Variants in KAZN observed in about 807,000 individuals in gnomAD.
KAZN encodes kazrin.
Under a neutral mutation model 87.4 loss-of-function variants are expected in KAZN, and 40 were observed. The observed-to-expected ratio is 0.46, with a 90% CI of 0.36 to 0.60. The LOEUF is 0.60. KAZN is among the 20% of genes least tolerant of loss of function. KAZN has a pLI of 0.00. For missense variants in KAZN, 898 were observed against 1,073.9 expected (o/e 0.84, Z 2.29); for synonymous variants, 466 against 458.3 (o/e 1.02, Z -0.22).
rs146095265 is a variant in KAZN, at chr1:14,138,781, G to A, written c.92-41654G>A. 3.0e-3 allele frequency among the ~76,000 whole-genome samples: 456 copies of A among 152,178 alleles called. 1 individual carries two copies. Among genetic ancestry groups the A allele is most frequent in the African/African-American group, 0.01 (418 of 41,522 alleles). On this transcript the variant is annotated intron_variant, in intron 1 of 16. Coordinates refer to the KAZN transcript ENST00000636203. ...TCATGCTTTCTTTTCCAGGCATCTC[G>A]ACTCCCACTAGTGGAATGAATGGGC...
intron 2 of KAZN, among the ~76,000 whole-genome samples, chr1:14,500,538 A>G (rs1425319273): frequency 6.6e-6 from 1 of 151,962 alleles, no homozygotes; most frequent in East Asian, 1.9e-4. Context: ...ACTTTAAGGA[A>G]TTAGAAAACC....
rs182899909 is a variant in KAZN, at chr1:14,612,054, C to T, written c.226+12831C>T. Among the ~76,000 whole-genome samples, 447 of 152,280 alleles carry T rather than the reference C, an allele frequency of 2.9e-3. 5 individuals carry two copies. Among genetic ancestry groups the T allele is most frequent in the African/African-American group, 0.01 (433 of 41,552 alleles). On this transcript the variant is annotated intron_variant, in intron 1 of 14. Coordinates refer to ENST00000376030, the MANE Select transcript of KAZN (RefSeq NM_201628.3). ...TGCCAACCCTTGGACATGTATTAAT[C>T]GTTCTCGTTTATTTGTATCTGACCC...
At chr1:14,609,300 C>T (rs1677625085) in intron 1 of KAZN, among the ~76,000 whole-genome samples, 1 of 152,116 alleles carries the variant, frequency 6.6e-6, no homozygotes, top group African/African-American at 2.4e-5. Flanking sequence ...GCTCAGAGTG[C>T]CCTGTTTGCA....
chr1:14,622,896 C>T (rs915022209), intron 1 of KAZN, among the ~76,000 whole-genome samples: 3 of 151,386 alleles, frequency 2.0e-5, no homozygotes, highest in East Asian at 1.9e-4. Context: ...AGAAAATTTG[C>T]TCAACTTCTT....
chr1:14,412,926 C>T (rs1664422389), intron 2 of KAZN, among the ~76,000 whole-genome samples: 2 of 149,256 alleles, frequency 1.3e-5, no homozygotes, highest in African/African-American at 4.9e-5. Context: ...AAATAGGATG[C>T]TCAGATTTAA....
chr1:14,814,212 C>G (rs528255510), intron 1 of KAZN, among the ~76,000 whole-genome samples: 30 of 151,552 alleles, frequency 2.0e-4, no homozygotes, highest in African/African-American at 2.7e-4. Flanking sequence ...TGGTCAAAGA[C>G]TGGATCTTTT....
intron 2 of KAZN, among the ~76,000 whole-genome samples, chr1:14,575,914 C>T (rs1368220734): frequency 3.2e-4 from 48 of 152,110 alleles, no homozygotes; most frequent in Admixed American, 3.1e-3. Flanking sequence ...TAGTATAGGG[C>T]CTGGCACGTA....
At chr1:14,317,881 GTTATTGCACT>G (rs1212759318) in intron 2 of KAZN, among the ~76,000 whole-genome samples, 5 of 151,958 alleles carry the variant, frequency 3.3e-5, no homozygotes, top group African/African-American at 1.2e-4. Context: ...AAAGTGAGGA[GTTATTGCACT>G]TTATTTTTTA....
chr1:14,535,457 G>T (rs1295526823), intron 2 of KAZN, among the ~76,000 whole-genome samples: 2 of 152,158 alleles, frequency 1.3e-5, no homozygotes, highest in African/African-American at 2.4e-5. Context: ...CACAAGGTCA[G>T]GAGATTGAGA....
intron 2 of KAZN, among the ~76,000 whole-genome samples, chr1:14,335,203 CTTTTTTTT>C (rs34934115): frequency 1.5e-5 from 2 of 131,342 alleles, no homozygotes; most frequent in Non-Finnish European, 3.3e-5. Context: ...GTCCTCCTTT[CTTTTTTTT>C]TTTTTTTTGG....
chr1:13,974,178 C>T (rs771759290), intron 1 of KAZN, among the ~76,000 whole-genome samples: 44 of 152,224 alleles, frequency 2.9e-4, no homozygotes, highest in Non-Finnish European at 5.0e-4. Context: ...TTAATGGGGG[C>T]TGGTTATGTA....
At chr1:14,245,029 C>T (rs540503510) in intron 2 of KAZN, among the ~76,000 whole-genome samples, 14 of 151,934 alleles carry the variant, frequency 9.2e-5, no homozygotes, top group African/African-American at 2.4e-4. Flanking sequence ...GGCGAGATCT[C>T]GGCTCACTAC....
intron 1 of KAZN, among the ~76,000 whole-genome samples, chr1:14,717,085 C>T (rs1642833723): frequency 1.3e-5 from 2 of 149,720 alleles, no homozygotes; most frequent in Middle Eastern, 3.4e-3. Flanking sequence ...CAGATGTGAG[C>T]GCTCTCTCCC....
At chr1:14,162,102 G>T (rs1432829544) in intron 1 of KAZN, among the ~76,000 whole-genome samples, 2 of 152,174 alleles carry the variant, frequency 1.3e-5, no homozygotes, top group African/African-American at 2.4e-5. Flanking sequence ...ATTCCTCATG[G>T]TTTTTGGATC....
At chr1:15,073,483 C>T (rs1313210528) in intron 8 of KAZN, among the ~76,000 whole-genome samples, 1 of 125,726 alleles carries the variant, frequency 8.0e-6, no homozygotes, top group African/African-American at 2.7e-5. Flanking sequence ...ACCCCAGGGT[C>T]CCCCCAGTAA....
chr1:14,554,872 A>C (rs1391809789), intron 2 of KAZN, among the ~76,000 whole-genome samples: 1 of 152,224 alleles, frequency 6.6e-6, no homozygotes, highest in Non-Finnish European at 1.5e-5. Context: ...GTCGAGTCAC[A>C]AACCATCCCA....
intron 2 of KAZN, among the ~76,000 whole-genome samples, chr1:14,299,215 T>C (rs902852820): frequency 6.6e-6 from 1 of 151,910 alleles, no homozygotes; most frequent in African/African-American, 2.4e-5. Context: ...ATAAAGAAAA[T>C]CATTAGGCCA....
chr1:14,863,788 T>C (rs1651138254), intron 1 of KAZN, among the ~76,000 whole-genome samples: 1 of 152,058 alleles, frequency 6.6e-6, no homozygotes, highest in African/African-American at 2.4e-5. Context: ...CTTGAACTGG[T>C]CCTTGAAGGA....
chr1:14,807,085 G>A lies in KAZN; in HGVS notation c.227-153599G>A, dbSNP rs144121708. ...TGAGGCACTTGGTTTCTCTGTGGCC[G>A]TTTCAGCAGTGTCCCTATGCCCTAT... On this transcript the variant is annotated intron_variant, in intron 1 of 14. Coordinates refer to ENST00000376030, the MANE Select transcript of KAZN (RefSeq NM_201628.3). Among the ~76,000 whole-genome samples the A allele has an allele frequency of 6.6e-3, 1,009 of 152,308 alleles. 5 individuals carry two copies. Among genetic ancestry groups the A allele is most frequent in the Non-Finnish European group, 0.011 (739 of 68,026 alleles).
Sources: gnomAD v4.1 joint callset for allele counts (sites outside exome capture counted in the v4.1 genomes callset) on GRCh38, gnomAD v4.1.1 for gene constraint, MANE v1.5 for transcripts, NCBI Gene and HGNC (gene_info 2026-07-23, HGNC 2026-07-21) for gene names.